The following CFHR2 variants were observed in gnomAD, a reference collection of about 807,000 sequenced individuals.
CFHR2 encodes the protein complement factor H-related protein 2.
In CFHR2, 22 loss-of-function variants were observed where a neutral mutation model predicts 21.7. That is an observed-to-expected ratio of 1.01 (90% CI 0.72 to 1.45). The LOEUF is 1.45. Ranked by LOEUF, CFHR2 falls within the 40% of genes most tolerant of loss-of-function variation. The pLI, the probability that CFHR2 is intolerant of heterozygous loss-of-function variation, is 0.00. For missense variants in CFHR2, 294 were observed against 293.3 expected (o/e 1.00, Z -0.02); for synonymous variants, 98 against 97.4 (o/e 1.01, Z -0.04).
At chr1:196,958,170 A>G (rs940752027) in intron 4 of CFHR2, 97 bp downstream of exon 4, 21 of 1,284,416 alleles carry the variant, frequency 1.6e-5, no homozygotes, top group Non-Finnish European at 2.0e-5. Context: ...TTAACAAACA[A>G]GCATTCTGCT....
chr1:196,951,060 T>C (rs550057789), intron 3 of CFHR2, 32 bp downstream of exon 3: 1 of 1,611,564 alleles, frequency 6.2e-7, no homozygotes, highest in African/African-American at 1.3e-5. Flanking sequence ...CAGATGCTGT[T>C]ATATTATAAA....
rs537613828 is a variant in CFHR2 at position 196,956,628 on chromosome 1, G to A, written c.431-1263G>A. Among the ~76,000 whole-genome samples the A allele has an allele frequency of 7.9e-5, 12 of 152,134 alleles. No individual in the cohort carries two copies. The South Asian group carries it at 2.3e-3, about 29-fold the overall frequency. The stretch of plus-strand genomic sequence containing the variant: ...GAATTTATTCATCTGTCATCTCCCA[G>A]TGTGTTATTAAGCCTATCCAGAGGA... On this transcript the variant is annotated intron_variant, in intron 3 of 4. Transcript: ENST00000367415.
intron 1 of CFHR2, among the ~76,000 whole-genome samples, chr1:196,947,203 G>T (rs1342596010): frequency 6.6e-6 from 1 of 151,950 alleles, no homozygotes; most frequent in Admixed American, 6.6e-5. Context: ...GTTGAGACAA[G>T]AAAAATTATT....
chr1:196,949,314 T>C (rs939525691), intron 1 of CFHR2, 141 bp from the exon 2 acceptor site: 2 of 749,268 alleles, frequency 2.7e-6, no homozygotes, highest in Non-Finnish European at 4.3e-6. Context: ...TCATTCCTAA[T>C]TTGGACACTG....
rs977015109 is a variant in CFHR2 at position 196,949,711 on chromosome 1, A to G, written c.253+62A>G. ...CAATGAACAGAGAAGGATATGCCAG[A>G]CAAGATCATAAACACTTGATAATCA... On this transcript the variant is annotated intron_variant, in intron 2 of 4. Transcript: ENST00000367415. 3.1e-6 allele frequency: 5 copies of G among 1,593,214 alleles called. No homozygotes were observed. In the African/African-American group the frequency reaches 5.4e-5, roughly 17 times the overall value.
intron 2 of CFHR2, 116 bp from the exon 3 acceptor site, chr1:196,950,736 G>A (rs1029853636): frequency 1.4e-5 from 16 of 1,182,964 alleles, no homozygotes; most frequent in Middle Eastern, 5.6e-4. Context: ...GCCTCCCAAA[G>A]TGCAGGGATT....
rs755524559 is a variant in CFHR2, at chr1:196,957,905, T to A, written c.445T>A (p.Cys149Ser). 5.0e-6 allele frequency: 8 copies of A among 1,610,382 alleles called. No individual in the cohort carries two copies. In the East Asian group the frequency reaches 1.8e-4, roughly 36 times the overall value. ...KCRSTISAEK[C>S]GPPPPIDNGD... is the part of the protein sequence containing the mutation. ...TGTTTTTTTAGTTTCTGCAGAAAAA[T>A]GTGGGCCCCCTCCACCTATTGACAA... Residue 149 changes from cysteine to serine, a missense_variant, in exon 4 of 5, where the codon TGT becomes AGT. By Grantham distance (112) the Cys-to-Ser change is moderately radical (BLOSUM62 -1). Coordinates refer to ENST00000367415, the MANE Select transcript of CFHR2 (RefSeq NM_005666.4).
chr1:196,952,659 T>C (rs944147285), intron 3 of CFHR2, among the ~76,000 whole-genome samples: 4 of 152,204 alleles, frequency 2.6e-5, no homozygotes. Context: ...TGTTAGGCTT[T>C]GATTAAGTCT....
At chr1:196,946,963 G>A (rs1278633296) in intron 1 of CFHR2, among the ~76,000 whole-genome samples, 3 of 152,134 alleles carry the variant, frequency 2.0e-5, no homozygotes, top group Non-Finnish European at 2.9e-5. Flanking sequence ...CACCGGCATT[G>A]CCACAAACAT....
In CFHR2 at chr1:196,948,247, T is replaced by C. The variant is rs186610603; in HGVS notation, c.59-1208T>C. Among the ~76,000 whole-genome samples the C allele has an allele frequency of 7.6e-3, 1,161 of 152,130 alleles. 19 individuals carry two copies. Among genetic ancestry groups the C allele is most frequent in the African/African-American group, 0.027 (1,109 of 41,516 alleles). On this transcript the variant is annotated intron_variant, in intron 1 of 4. Transcript: ENST00000367415. The stretch of plus-strand genomic sequence containing the variant: ...ATGTAGTATTTGTATATAACCTGTG[T>C]ATATCCTCCCAAACAATTTATTTTA...
In CFHR2 at chr1:196,959,321, T is replaced by C. The variant is rs750412542; in HGVS notation, c.*241T>C. The C allele has an allele frequency of 1.5e-5, 6 of 401,114 alleles. No individual in the cohort carries two copies. Among genetic ancestry groups the C allele is most frequent in the South Asian group, 1.3e-4 (4 of 30,384 alleles). The allele number at this position is 401,114 out of a possible 1,614,324, so 24.8% of individuals were successfully genotyped here. On this transcript the variant is annotated 3_prime_UTR_variant, in exon 5 of 5. Coordinates refer to ENST00000367415, the MANE Select transcript of CFHR2 (RefSeq NM_005666.4). ...TTTTTCTTTTTAAAAAAATTGACAA[T>C]AACTGTATATATTCATGGAGTACAT...
intron 2 of CFHR2, among the ~76,000 whole-genome samples, chr1:196,950,339 T>C (rs528014542): frequency 6.6e-6 from 1 of 152,246 alleles, no homozygotes; most frequent in Admixed American, 6.5e-5. Context: ...TTTTCTTCTA[T>C]ATGTACATAT....
intron 3 of CFHR2, among the ~76,000 whole-genome samples, chr1:196,956,473 T>C (rs529708917): frequency 2.0e-5 from 3 of 152,216 alleles, no homozygotes; most frequent in African/African-American, 7.2e-5. Flanking sequence ...TTTTCTCTTC[T>C]CTTTCTGGAT....
At chr1:196,953,564 T>G (rs1441622527) in intron 3 of CFHR2, among the ~76,000 whole-genome samples, 1 of 152,186 alleles carries the variant, frequency 6.6e-6, no homozygotes, top group Non-Finnish European at 1.5e-5. Flanking sequence ...GTAACAGTCA[T>G]GAGCCACTGT....
In CFHR2 at chr1:196,959,103, A is replaced by C. The variant is rs747108019; in HGVS notation, c.*23A>C. ...TAGAATCAATGGCATTACTATTAGT[A>C]AAATGCACACCTTTTTCTGAATTTA... On this transcript the variant is annotated 3_prime_UTR_variant, in exon 5 of 5. Transcript: ENST00000367415. 1.5e-5 allele frequency: 22 copies of C among 1,445,756 alleles called. No individual in the cohort carries two copies. Among genetic ancestry groups the C allele is most frequent in the Non-Finnish European group, 3.8e-6 (4 of 1,043,166 alleles). 89.6% of individuals were successfully genotyped at this position (1,445,756 alleles called of 1,614,324 possible). A position where few individuals can be genotyped will look rare whatever the true frequency, so the allele number is the denominator to read the frequency against.
chr1:196,947,743 A>T (rs973548472), intron 1 of CFHR2, among the ~76,000 whole-genome samples: 1 of 152,196 alleles, frequency 6.6e-6, no homozygotes, highest in Non-Finnish European at 1.5e-5. Context: ...TGACATAAAA[A>T]CAAAGAGCAG....
intron 3 of CFHR2, among the ~76,000 whole-genome samples, chr1:196,953,463 A>G (rs1313369304): frequency 1.3e-5 from 2 of 152,020 alleles, no homozygotes; most frequent in Non-Finnish European, 2.9e-5. Context: ...TTGTATTCTT[A>G]GTAGAGCCAG....
chr1:196,957,693 GT>G (rs1331326840), intron 3 of CFHR2, among the ~76,000 whole-genome samples, 197 bp from the exon 4 acceptor site: 1 of 152,092 alleles, frequency 6.6e-6, no homozygotes, highest in Non-Finnish European at 1.5e-5. Flanking sequence ...TGTTAATGCT[GT>G]ATGTGTTCAT....
At chr1:196,952,223 C>G (rs1456400333) in intron 3 of CFHR2, among the ~76,000 whole-genome samples, 4 of 152,128 alleles carry the variant, frequency 2.6e-5, no homozygotes, top group African/African-American at 9.7e-5. Context: ...CTGCAGTGAG[C>G]TATGACTGCA....
Sources: allele counts gnomAD v4.1 joint callset (sites outside exome capture counted in the v4.1 genomes callset), GRCh38; gene constraint gnomAD v4.1.1; transcripts MANE v1.5; gene names NCBI Gene and HGNC (gene_info 2026-07-23, HGNC 2026-07-21).